Variants in PAXIP1 observed in about 807,000 individuals in gnomAD.
PAXIP1 encodes the protein PAX-interacting protein 1.
A neutral mutation model predicts 140.6 loss-of-function variants in PAXIP1; 19 were observed. That is an observed-to-expected ratio of 0.14 (90% CI 0.09 to 0.20). The LOEUF is 0.20. PAXIP1 is among the 10% of genes least tolerant of loss of function. The pLI is 1.00. For missense variants in PAXIP1, 920 were observed against 1,208.6 expected, an observed-to-expected ratio of 0.76 and a Z score of 3.54; for synonymous variants, 442 against 444.6, an observed-to-expected ratio of 0.99 and a Z score of 0.07.
intron 3 of PAXIP1, among the ~76,000 whole-genome samples, chr7:154,991,279 A>C (rs1810318232): frequency 6.6e-6 from 1 of 152,210 alleles, no homozygotes; most frequent in Non-Finnish European, 1.5e-5. Flanking sequence ...GCACATTTTG[A>C]AATCCAATCT....
At position 154,967,850 on chromosome 7, in the gene PAXIP1, A is replaced by G; in HGVS notation, c.1859T>C (p.Met620Thr). Residue 620 changes from methionine to threonine, a missense_variant, in exon 8 of 21, where the codon ATG becomes ACG. By Grantham distance (81) the Met-to-Thr change is moderately conservative (BLOSUM62 -1). Transcript: ENST00000404141. Reference protein sequence around the residue: ...VFAIADYPEQMSDKQLLATWK... With the variant: ...VFAIADYPEQTSDKQLLATWK... ...GGTGGCCAGCAGTTGCTTATCAGACATCTGCTCTGGATAATCCGCAATTGC... is the reference window on the plus strand; with the variant it reads ...GGTGGCCAGCAGTTGCTTATCAGACGTCTGCTCTGGATAATCCGCAATTGC... 1 of 1,613,918 alleles carries G rather than the reference A, an allele frequency of 6.2e-7. No individual in the cohort carries two copies. Among genetic ancestry groups the G allele is most frequent in the Non-Finnish European group, 8.5e-7 (1 of 1,179,778 alleles).
chr7:154,966,041 G>A (rs572662899), intron 8 of PAXIP1, among the ~76,000 whole-genome samples: 2 of 152,240 alleles, frequency 1.3e-5, no homozygotes, highest in South Asian at 4.1e-4. Context: ...CAATCTCTGA[G>A]TCAAATGCCT....
At chr7:154,948,233 C>T (rs560121601) in intron 16 of PAXIP1, 28 of 491,994 alleles carry the variant, frequency 5.7e-5, no homozygotes, top group Non-Finnish European at 9.6e-5. Context: ...GGTAATTAAC[C>T]ATTTGGGGTC....
chr7:154,946,400 C>T lies in PAXIP1; in HGVS notation c.3159G>A (p.Leu1053=). Residue 1053 remains leucine, a synonymous_variant, in exon 20 of 21, where the codon CTG becomes CTA. Transcript: ENST00000404141. This position sits in a 1 kb window ranked among gnomAD's most constrained non-coding sequence, Gnocchi z 4.9. ...CCAGCGTTTGAGTGAGCACTCCAGTCAGAACGAACTCTGCATTGTGAACAT... is the reference window on the plus strand; with the variant it reads ...CCAGCGTTTGAGTGAGCACTCCAGTTAGAACGAACTCTGCATTGTGAACAT... ...GIDVHNAEFV[L]TGVLTQTLDY... is the part of the protein sequence containing the mutation. 6.2e-7 allele frequency: 1 copy of T among 1,613,936 alleles called. No individual in the cohort carries two copies.
chr7:154,990,284 G>A (rs538960375), intron 4 of PAXIP1, among the ~76,000 whole-genome samples: 23 of 152,068 alleles, frequency 1.5e-4, no homozygotes, highest in Middle Eastern at 3.4e-3. Context: ...CAGGTGATCC[G>A]CCCACCTCGG....
In PAXIP1 at chr7:154,963,888, G is replaced by T; in HGVS notation, c.1894-122C>A. 1.4e-6 allele frequency: 1 copy of T among 698,164 alleles called. No homozygotes were observed. The highest frequency in any genetic ancestry group is 2.6e-6 in the Non-Finnish European group (1 of 389,882). 43.2% of individuals were successfully genotyped at this position (698,164 alleles called of 1,614,324 possible). On this transcript the variant is annotated intron_variant, in intron 8 of 20. Transcript: ENST00000404141. The surrounding 1 kb of genome is among the most constrained non-coding windows in gnomAD (Gnocchi z 4.1). ...TATTTATATCATGTATTTCCTCAAAGTATCAAGGACATGTAACAGTTCTAT... is the reference window on the plus strand; with the variant it reads ...TATTTATATCATGTATTTCCTCAAATTATCAAGGACATGTAACAGTTCTAT...
Position 154,963,612 on chromosome 7 carries a change from A to G in PAXIP1, c.1989+59T>C. 1.8e-6 allele frequency: 2 copies of G among 1,109,952 alleles called. No individual in the cohort carries two copies. The highest frequency in any genetic ancestry group is 2.5e-5 in the East Asian group (1 of 39,884). The allele number at this position is 1,109,952 out of a possible 1,614,324, so 68.8% of individuals were successfully genotyped here. A position where few individuals can be genotyped will look rare whatever the true frequency, so the allele number is the denominator to read the frequency against. On this transcript the variant is annotated intron_variant, in intron 9 of 20. Transcript: ENST00000404141. This position sits in a 1 kb window ranked among gnomAD's most constrained non-coding sequence, Gnocchi z 4.1. ...AAAATAATAATCACTAGCATTTAAG[A>G]TTGCATATTAAAAATGCCAGACCTT...
intron 4 of PAXIP1, among the ~76,000 whole-genome samples, chr7:154,987,339 C>A (rs1585077696): frequency 6.6e-6 from 1 of 152,206 alleles, no homozygotes; most frequent in African/African-American, 2.4e-5. Flanking sequence ...AAATCTTTAC[C>A]TGGGTTGTTG....
rs771321112 is a variant in PAXIP1, at chr7:154,968,822, G to A, written c.1379C>T (p.Pro460Leu). ...QQQQQQQQAH[P>L]HQFSQQQLQF... Reference sequence around the variant, plus strand: ...TAGCTGTTGCTGTGAAAACTGATGCGGATGGGCTTGCTGCTGCTGCTGCTG... The same window carrying A: ...TAGCTGTTGCTGTGAAAACTGATGCAGATGGGCTTGCTGCTGCTGCTGCTG... Residue 460 changes from proline (P) to leucine (L), a missense_variant, in exon 7 of 21, where the codon CCG becomes CTG. Physicochemically the swap from Pro to Leu is moderately conservative, Grantham distance 98. Around this residue, in one of 5 missense-constraint regions of PAXIP1, gnomAD observed 133 missense variants for 88.4 expected, o/e 1.50. Coordinates refer to ENST00000404141, the MANE Select transcript of PAXIP1 (RefSeq NM_007349.4). The A allele has an allele frequency of 3.1e-5, 23 of 735,414 alleles. No homozygotes were observed. Among genetic ancestry groups the A allele is most frequent in the East Asian group, 8.0e-5 (3 of 37,334 alleles). 45.6% of individuals were successfully genotyped at this position (735,414 alleles called of 1,614,324 possible).
At position 154,954,530 on chromosome 7, in the gene PAXIP1, CTG is replaced by C. The variant is rs1233408746; in HGVS notation, c.2653-109_2653-108del. 1 of 684,848 alleles carries C rather than the reference CTG, an allele frequency of 1.5e-6. No homozygotes were observed. The highest frequency in any genetic ancestry group is 3.4e-5 in the East Asian group (1 of 29,304). 42.4% of individuals were successfully genotyped at this position (684,848 alleles called of 1,614,324 possible). A position where few individuals can be genotyped will look rare whatever the true frequency, so the allele number is the denominator to read the frequency against. ...ATCTACCTAAAGACAAGGTTTATGA[CTG>C]TAATTCTCAGCCACAGAAAACAGTG... On this transcript the variant is annotated intron_variant, in intron 15 of 20. Transcript: ENST00000404141. The surrounding 1 kb of genome is among the most constrained non-coding windows in gnomAD (Gnocchi z 5.1).
chr7:154,947,483 G>T, intron 17 of PAXIP1: 1 of 176,982 alleles, frequency 5.7e-6, no homozygotes, highest in Admixed American at 5.5e-5. Context: ...TTATATCTAT[G>T]CACACACTGA....
chr7:154,948,186 CA>C (rs1808083715), intron 16 of PAXIP1, 183 bp from the exon 17 acceptor site: 2 of 574,650 alleles, frequency 3.5e-6, no homozygotes, highest in African/African-American at 1.9e-5. Flanking sequence ...ACAGCCAGAC[CA>C]AAAAGACAGA....
intron 4 of PAXIP1, among the ~76,000 whole-genome samples, chr7:154,984,794 TA>T (rs963882402): frequency 5.9e-5 from 9 of 152,210 alleles, no homozygotes; most frequent in African/African-American, 2.2e-4. Context: ...AAAATGAAAT[TA>T]AAAAACAATC....
At chr7:154,989,799 C>A (rs1810239982) in intron 4 of PAXIP1, among the ~76,000 whole-genome samples, 1 of 152,122 alleles carries the variant, frequency 6.6e-6, no homozygotes, top group Non-Finnish European at 1.5e-5. Flanking sequence ...TAGGCTATGG[C>A]CTGCTTTTGC....
At chr7:154,948,875 A>G (rs1301281225) in intron 16 of PAXIP1, 3 of 152,102 alleles carry the variant, frequency 2.0e-5, no homozygotes, top group Non-Finnish European at 4.4e-5. Flanking sequence ...AGATTTACCA[A>G]ACACACATTC....
In PAXIP1 at chr7:154,968,964, GCTGCTGCTGCTGCTGGGC is replaced by G. The variant is rs1430833152; in HGVS notation, c.1219_1236del (p.Ala407_Gln412del). ...GGCTGAAGGTGTAAAACCGGGTGCT[GCTGCTGCTGCTGCTGGGC>G]CTGCTGCTGCTGCTGTAGCATGTGT... On this transcript the variant is annotated inframe_deletion, in exon 7 of 21. Coordinates refer to ENST00000404141, the MANE Select transcript of PAXIP1 (RefSeq NM_007349.4). 1.3e-6 allele frequency: 2 copies of G among 1,534,662 alleles called. No individual in the cohort carries two copies. Among genetic ancestry groups the G allele is most frequent in the East Asian group, 2.5e-5 (1 of 40,486 alleles).
At chr7:155,003,251 T>C (rs1433864008), upstream of PAXIP1, among the ~76,000 whole-genome samples, 1 of 85,244 alleles carries the variant, frequency 1.2e-5, no homozygotes, top group African/African-American at 5.5e-5. Flanking sequence ...CCGGGGTAGC[T>C]GGCGCCGGCA....
At chr7:154,975,156 CAAAAA>C (rs61595965) in intron 6 of PAXIP1, among the ~76,000 whole-genome samples, 1 of 106,900 alleles carries the variant, frequency 9.4e-6, no homozygotes. Context: ...GACTCCATCT[CAAAAA>C]AAAAAAAAAA....
At chr7:154,974,684 CA>C (rs1809484803) in intron 6 of PAXIP1, 1 of 152,132 alleles carries the variant, frequency 6.6e-6, no homozygotes, top group African/African-American at 2.4e-5. Context: ...AAACACCTTT[CA>C]CCATCAACAG....
Sources: allele counts gnomAD v4.1 joint callset (sites outside exome capture counted in the v4.1 genomes callset), GRCh38; gene constraint gnomAD v4.1.1; regional missense constraint gnomAD v4.1.1; non-coding constraint Gnocchi (gnomAD v3.1); transcripts MANE v1.5; gene names NCBI Gene and HGNC (gene_info 2026-07-23, HGNC 2026-07-21).